Variants in TG observed in about 807,000 individuals in gnomAD.
The protein encoded by TG is thyroglobulin.
A neutral mutation model predicts 324.7 loss-of-function variants in TG; 270 were observed. The ratio of observed to expected loss-of-function variants is 0.83; its 90% CI spans 0.75 to 0.92. The LOEUF (loss-of-function observed/expected upper bound fraction) is 0.92. TG is among the 40% of genes least tolerant of loss of function. The pLI is 0.00. For synonymous variants in TG, 1,401 were observed against 1,327.0 expected, an observed-to-expected ratio of 1.06 and a Z score of -1.21; for missense variants, 3,591 against 3,456.4, an observed-to-expected ratio of 1.04 and a Z score of -0.98.
intron 35 of TG, among the ~76,000 whole-genome samples, chr8:133,007,041 T>C (rs1412248546): frequency 6.6e-6 from 1 of 152,228 alleles, no homozygotes; most frequent in Non-Finnish European, 1.5e-5. Context: ...AGATATTTGT[T>C]GAAGTGTTGA....
At chr8:133,003,735 C>T (rs558318924) in intron 35 of TG, among the ~76,000 whole-genome samples, 1 of 152,268 alleles carries the variant, frequency 6.6e-6, no homozygotes, top group African/African-American at 2.4e-5. Flanking sequence ...ACCCAAGCTG[C>T]CCCCATCACC....
intron 35 of TG, among the ~76,000 whole-genome samples, chr8:133,008,568 C>T (rs1390865584): frequency 1.3e-5 from 2 of 152,150 alleles, no homozygotes; most frequent in Non-Finnish European, 2.9e-5. Context: ...GGAAAAGACT[C>T]ACACTTTGGG....
chr8:133,134,192 C>T (rs1250001826), intron 47 of TG, among the ~76,000 whole-genome samples: 2 of 152,120 alleles, frequency 1.3e-5, no homozygotes, highest in Non-Finnish European at 1.5e-5. Flanking sequence ...GTGAGTGACA[C>T]AACCCAGGGG....
chr8:133,128,480 A>G (rs1851706277), intron 45 of TG, among the ~76,000 whole-genome samples: 1 of 152,082 alleles, frequency 6.6e-6, no homozygotes, highest in African/African-American at 2.4e-5. Flanking sequence ...CTTGAGTGGC[A>G]ACTTACAGTT....
At chr8:133,126,452 A>C (rs1851526881) in intron 45 of TG, among the ~76,000 whole-genome samples, 1 of 152,044 alleles carries the variant, frequency 6.6e-6, no homozygotes, top group Admixed American at 6.6e-5. Flanking sequence ...TGGAGGGAAT[A>C]AAATGTTCAG....
chr8:133,097,509 C>T (rs980272035), intron 43 of TG, among the ~76,000 whole-genome samples: 2 of 152,218 alleles, frequency 1.3e-5, no homozygotes, highest in Non-Finnish European at 2.9e-5. Context: ...CTAGATTTAT[C>T]TCTACTGGCT....
chr8:132,870,257 C>G (rs574706378), intron 3 of TG, among the ~76,000 whole-genome samples: 1 of 151,728 alleles, frequency 6.6e-6, no homozygotes, highest in South Asian at 2.1e-4. Flanking sequence ...CATGTCATAA[C>G]TCTAAAACAA....
At chr8:133,065,289 A>G (rs1842892064) in intron 41 of TG, among the ~76,000 whole-genome samples, 1 of 152,206 alleles carries the variant, frequency 6.6e-6, no homozygotes, top group South Asian at 2.1e-4. Flanking sequence ...TAGCTGAGAT[A>G]AATTAAGTGA....
chr8:132,899,352 C>T (rs574720923), intron 14 of TG, among the ~76,000 whole-genome samples: 3 of 152,300 alleles, frequency 2.0e-5, no homozygotes, highest in South Asian at 2.1e-4. Flanking sequence ...CATAATTCAG[C>T]GAAGTACTGA....
intron 36 of TG, among the ~76,000 whole-genome samples, 175 bp downstream of exon 36, chr8:133,012,210 C>G (rs996122376): frequency 2.0e-5 from 3 of 152,156 alleles, no homozygotes; most frequent in Admixed American, 1.3e-4. Context: ...CCCCACAGGG[C>G]AGCCAAGGTG....
chr8:132,936,311 T>C (rs1393869674), intron 25 of TG, among the ~76,000 whole-genome samples: 1 of 152,188 alleles, frequency 6.6e-6, no homozygotes, highest in Non-Finnish European at 1.5e-5. Flanking sequence ...CAGCAGCTGC[T>C]CCTCCCGGGC....
At chr8:132,907,532 A>C (rs1358986624) in intron 17 of TG, among the ~76,000 whole-genome samples, 5 of 152,044 alleles carry the variant, frequency 3.3e-5, no homozygotes, top group Non-Finnish European at 7.4e-5. Flanking sequence ...TGGGAGAGAG[A>C]CCAAGATTCT....
chr8:132,886,680 A>G lies in TG; in HGVS notation c.1308A>G (p.Ser436=), dbSNP rs750438286. 2 of 1,614,208 alleles carry G rather than the reference A, an allele frequency of 1.2e-6. No individual in the cohort carries two copies. Among genetic ancestry groups the G allele is most frequent in the East Asian group, 2.2e-5 (1 of 44,868 alleles). The change falls in exon 9 of 48, where the codon TCA becomes TCG. Residue 436 remains serine (S), a synonymous_variant. Coordinates refer to ENST00000220616, the MANE Select transcript of TG (RefSeq NM_003235.5). ...VEGQSQQFSV[S]ENLLKEAIRA... Reference sequence around the variant, plus strand: ...GACAGAGCCAACAGTTTTCTGTCTCAGAAAATCTTCTCAAAGAAGCCATCC... The same window carrying G: ...GACAGAGCCAACAGTTTTCTGTCTCGGAAAATCTTCTCAAAGAAGCCATCC...
rs750897585 is a variant in TG, at chr8:132,972,674, C to T, written c.6132C>T (p.Arg2044=). The T allele has an allele frequency of 1.2e-6, 2 of 1,613,300 alleles. No homozygotes were observed. Among genetic ancestry groups the T allele is most frequent in the East Asian group, 2.2e-5 (1 of 44,834 alleles). Residue 2044 remains arginine, a synonymous_variant, in exon 34 of 48, where the codon CGC becomes CGT. Coordinates refer to ENST00000220616, the MANE Select transcript of TG (RefSeq NM_003235.5). ...MCSEENGGAW[R]ILDCGSPDIE... The stretch of plus-strand genomic sequence containing the variant: ...GTGAGGAGAATGGAGGAGCCTGGCG[C>T]ATTTTGGACTGTGGCTCTCCTGACA...
intron 29 of TG, among the ~76,000 whole-genome samples, 162 bp downstream of exon 29, chr8:132,963,236 T>A (rs754838258): frequency 1.3e-5 from 2 of 152,122 alleles, no homozygotes; most frequent in Non-Finnish European, 2.9e-5. Flanking sequence ...CTCATAAATA[T>A]GGGAAGCTCC....
intron 26 of TG, among the ~76,000 whole-genome samples, chr8:132,945,456 G>T (rs996748986): frequency 1.3e-5 from 2 of 152,138 alleles, no homozygotes; most frequent in African/African-American, 4.8e-5. Context: ...TAGGAAGGCC[G>T]TGGGTCCATG....
intron 35 of TG, among the ~76,000 whole-genome samples, chr8:132,998,946 T>C (rs898470415): frequency 4.6e-5 from 7 of 152,042 alleles, no homozygotes; most frequent in Admixed American, 2.0e-4. Flanking sequence ...GGAGTGGCAA[T>C]GGGCTTGAGG....
At chr8:133,005,544 A>G (rs917915846) in intron 35 of TG, among the ~76,000 whole-genome samples, 1 of 152,048 alleles carries the variant, frequency 6.6e-6, no homozygotes, top group African/African-American at 2.4e-5. Flanking sequence ...ACATCTAGTA[A>G]CTCATTCATT....
chr8:133,084,346 T>C (rs1480225235), intron 41 of TG, among the ~76,000 whole-genome samples: 1 of 152,236 alleles, frequency 6.6e-6, no homozygotes, highest in African/African-American at 2.4e-5. Context: ...CAAGTTATAA[T>C]GATGAAATTA....
Sources: allele counts gnomAD v4.1 joint callset (sites outside exome capture counted in the v4.1 genomes callset), GRCh38; gene constraint gnomAD v4.1.1; transcripts MANE v1.5; gene names NCBI Gene and HGNC (gene_info 2026-07-23, HGNC 2026-07-21).